Variants in TLN2 observed in about 807,000 individuals in gnomAD.
TLN2 encodes the protein talin-2.
A neutral mutation model predicts 294.7 loss-of-function variants in TLN2; 118 were observed. The ratio of observed to expected loss-of-function variants is 0.40; its 90% confidence interval spans 0.34 to 0.47. TLN2 has a LOEUF of 0.47. TLN2 is among the 20% of genes least tolerant of loss of function. The probability of loss-of-function intolerance (pLI) is 0.84; values close to 1 mark genes in which losing one functional copy is unlikely to be tolerated. For missense variants in TLN2, 3,083 were observed against 3,282.2 expected, an observed-to-expected ratio of 0.94 and a Z score of 1.48; for synonymous variants, 1,431 against 1,304.5, an observed-to-expected ratio of 1.10 and a Z score of -2.09.
chr15:62,796,282 C>T lies in TLN2; in HGVS notation c.6039C>T (p.Phe2013=), dbSNP rs201437859. The part of the protein sequence containing the change: ...GTLNAENSET[F]ADHRENILKT... ...TGAATGCAGAGAACAGTGAGACCTT[C>T]GCAGACCACAGGTACGTGGGGGTCC... is the stretch of plus-strand genomic sequence containing the variant. Residue 2013 remains phenylalanine, a synonymous_variant, in exon 47 of 59, where the codon TTC becomes TTT. Coordinates refer to ENST00000636159, the MANE Select transcript of TLN2 (RefSeq NM_015059.3). 99 of 1,613,534 alleles carry T rather than the reference C, an allele frequency of 6.1e-5. No homozygotes were observed. The highest frequency in any genetic ancestry group is 8.8e-5 in the South Asian group (8 of 90,964).
At chr15:62,742,072 T>TGTGTGTGTGA (rs1272145437) in intron 32 of TLN2, among the ~76,000 whole-genome samples, 2,294 of 142,360 alleles carry the variant, frequency 0.016, 82 homozygotes, top group Non-Finnish European at 0.022. Flanking sequence ...TGTGTGTGTG[T>TGTGTGTGTGA]GTGAAGGGTT....
At chr15:62,475,602 G>C (rs28470962) in intron 1 of TLN2, among the ~76,000 whole-genome samples, 6 of 152,100 alleles carry the variant, frequency 3.9e-5, no homozygotes, top group Admixed American at 3.3e-4. Flanking sequence ...TTTTCTTCTT[G>C]TTCTTATTCT....
chr15:62,775,117 T>C (rs1408249947), intron 42 of TLN2, among the ~76,000 whole-genome samples: 1 of 151,928 alleles, frequency 6.6e-6, no homozygotes, highest in Admixed American at 6.6e-5. Flanking sequence ...CCACCACACC[T>C]GGCTCATTTT....
intron 12 of TLN2, among the ~76,000 whole-genome samples, chr15:62,692,617 T>C (rs569241037): frequency 1.2e-4 from 18 of 152,320 alleles, no homozygotes; most frequent in Admixed American, 4.6e-4. Context: ...CATTGTGGTT[T>C]TGCAAGTTCT....
intron 3 of TLN2, among the ~76,000 whole-genome samples, chr15:62,629,751 A>G (rs57445884): frequency 0.072 from 10,950 of 152,232 alleles, 667 homozygotes; most frequent in African/African-American, 0.16. Context: ...CTCATCTTTC[A>G]AAGTGTATGT....
intron 42 of TLN2, among the ~76,000 whole-genome samples, chr15:62,771,514 G>A (rs1197799170): frequency 6.6e-6 from 1 of 152,132 alleles, no homozygotes; most frequent in Non-Finnish European, 1.5e-5. Flanking sequence ...ACACTTAAGA[G>A]ACTGCAGTTT....
intron 1 of TLN2, among the ~76,000 whole-genome samples, chr15:62,508,337 C>T (rs759401752): frequency 7.2e-5 from 11 of 152,160 alleles, no homozygotes; most frequent in Admixed American, 7.2e-4. Flanking sequence ...CTGCCTCAGC[C>T]TCCCGGGTAG....
chr15:62,734,863 C>T lies in TLN2; in HGVS notation c.3359-2015C>T, dbSNP rs570466174. Among the ~76,000 whole-genome samples, 700 of 152,312 alleles carry T rather than the reference C, an allele frequency of 4.6e-3. 2 individuals are homozygous for T. The highest frequency in any genetic ancestry group is 7.7e-3 in the Non-Finnish European group (527 of 68,024). On this transcript the variant is annotated intron_variant, in intron 28 of 58. Coordinates refer to ENST00000636159, the MANE Select transcript of TLN2 (RefSeq NM_015059.3). ...TTCACACTCTATTGTATCTCAGAGC[C>T]TCACCCTCAGTGAGGAAAAGACCAC...
At position 62,711,974 on chromosome 15, in the gene TLN2, G is replaced by A; in HGVS notation, c.2531G>A (p.Arg844Lys). 1 of 1,614,196 alleles carries A rather than the reference G, an allele frequency of 6.2e-7. No homozygotes were observed. The highest frequency in any genetic ancestry group is 8.5e-7 in the Non-Finnish European group (1 of 1,180,026). Residue 844 changes from arginine to lysine, a missense_variant, in exon 22 of 59, where the codon AGG (arginine) becomes AAG (lysine). Coordinates refer to ENST00000636159, the MANE Select transcript of TLN2 (RefSeq NM_015059.3). The part of the protein sequence containing the change: ...QATSDLVNAM[R>K]SDAEAEIDME... ...ACATCAGACCTCGTCAATGCCATGAGGTCAGATGCAGAAGCCGAAATCGAC... is the reference window on the plus strand; with the variant it reads ...ACATCAGACCTCGTCAATGCCATGAAGTCAGATGCAGAAGCCGAAATCGAC...
intron 1 of TLN2, among the ~76,000 whole-genome samples, chr15:62,555,934 C>CT (rs11356198): frequency 3.3e-5 from 4 of 120,108 alleles, no homozygotes; most frequent in Admixed American, 8.4e-5. Flanking sequence ...ATTTTTTAAA[C>CT]TTTTTTTTTT....
At chr15:62,563,523 T>G (rs1451215217) in intron 1 of TLN2, among the ~76,000 whole-genome samples, 1 of 152,226 alleles carries the variant, frequency 6.6e-6, no homozygotes, top group African/African-American at 2.4e-5. Context: ...TGTGAAGATT[T>G]TCTCCCACTT....
intron 2 of TLN2, among the ~76,000 whole-genome samples, chr15:62,591,976 G>A (rs1476934153): frequency 6.6e-6 from 1 of 152,126 alleles, no homozygotes; most frequent in Non-Finnish European, 1.5e-5. Context: ...AAACACATCA[G>A]ATCTATGCCG....
intron 3 of TLN2, chr15:62,638,545 A>G (rs1449933378): frequency 2.2e-6 from 1 of 455,944 alleles, no homozygotes; most frequent in South Asian, 1.5e-5. Context: ...GCAGTGTGAG[A>G]AGGTCTGGTT....
chr15:62,651,206 A>C (rs2052549146), intron 5 of TLN2, among the ~76,000 whole-genome samples: 1 of 152,216 alleles, frequency 6.6e-6, no homozygotes, highest in African/African-American at 2.4e-5. Context: ...CTTAGAGCAG[A>C]TCATTCTCAG....
chr15:62,620,525 C>T (rs116056202), intron 3 of TLN2, among the ~76,000 whole-genome samples: 3,196 of 149,922 alleles, frequency 0.021, 123 homozygotes, highest in African/African-American at 0.075. Context: ...GTTGCCTAAG[C>T]TGGAGCGCAG....
chr15:62,631,582 C>T (rs940220244), intron 3 of TLN2, among the ~76,000 whole-genome samples: 9 of 131,070 alleles, frequency 6.9e-5, no homozygotes, highest in Non-Finnish European at 1.1e-4. Flanking sequence ...CTTTCTTTCT[C>T]TCTCTTCTTT....
At chr15:62,704,484 A>C (rs544028102) in intron 19 of TLN2, among the ~76,000 whole-genome samples, 1 of 152,326 alleles carries the variant, frequency 6.6e-6, no homozygotes, top group East Asian at 1.9e-4. Context: ...CGAAGATGGG[A>C]TCATGTATGT....
In TLN2 at chr15:62,404,525, A is replaced by G. The variant is rs545736467; in HGVS notation, c.-238+13840A>G. Among the ~76,000 whole-genome samples the G allele has an allele frequency of 8.5e-5, 13 of 152,292 alleles. No homozygotes were observed. The South Asian group carries it at 2.3e-3, about 27-fold the overall frequency. On this transcript the variant is annotated intron_variant, in intron 1 of 58. Transcript: ENST00000636159. ...CTCTCTGCGCTGCTTTCAGACACCC[A>G]GGTTAAAAGATCCCCAAAGCATTCT...
chr15:62,485,000 G>GT (rs977664290), intron 1 of TLN2, among the ~76,000 whole-genome samples: 41 of 152,216 alleles, frequency 2.7e-4, no homozygotes, highest in African/African-American at 8.4e-4. Context: ...CATCTCTTTT[G>GT]TTTTTTTACA....
Sources: gnomAD v4.1 joint callset for allele counts (sites outside exome capture counted in the v4.1 genomes callset) on GRCh38, gnomAD v4.1.1 for gene constraint, MANE v1.5 for transcripts, NCBI Gene and HGNC (gene_info 2026-07-23, HGNC 2026-07-21) for gene names.